Variants in PLD5 observed in about 807,000 individuals in gnomAD.
The protein encoded by PLD5 is phospholipase D family member 5, also known as inactive phospholipase D5.
In PLD5, 36 loss-of-function variants were observed where a neutral mutation model predicts 61.1. The ratio of observed to expected loss-of-function variants is 0.59; its 90% CI spans 0.45 to 0.78. The LOEUF (loss-of-function observed/expected upper bound fraction) is 0.78, where lower values mean the gene tolerates loss of function less well. Ranked by LOEUF, PLD5 falls within the 30% of genes least tolerant of loss-of-function variation. The pLI, the probability that PLD5 is intolerant of heterozygous loss-of-function variation, is 0.00. For missense variants in PLD5, 515 were observed against 644.4 expected (o/e 0.80, Z 2.17); for synonymous variants, 243 against 242.8 (o/e 1.00, Z -0.01).
chr1:242,099,092 A>T (rs1660481121), intron 9 of PLD5, among the ~76,000 whole-genome samples: 1 of 152,100 alleles, frequency 6.6e-6, no homozygotes, highest in African/African-American at 2.4e-5. Context: ...AAGCTGTCAG[A>T]CAGGGACATT....
At chr1:242,437,114 G>A (rs775115211) in intron 1 of PLD5, among the ~76,000 whole-genome samples, 1 of 152,158 alleles carries the variant, frequency 6.6e-6, no homozygotes, top group Non-Finnish European at 1.5e-5. Flanking sequence ...GGAAGGGGAG[G>A]TACAAGATGA....
At chr1:242,162,870 T>C (rs2148850122) in intron 5 of PLD5, among the ~76,000 whole-genome samples, 1 of 152,276 alleles carries the variant, frequency 6.6e-6, no homozygotes, top group Non-Finnish European at 1.5e-5. Context: ...GGAGGGTAGA[T>C]GGTAGCATGG....
At chr1:242,201,522 A>ATCAT (rs1457588788) in intron 5 of PLD5, among the ~76,000 whole-genome samples, 6 of 152,076 alleles carry the variant, frequency 3.9e-5, no homozygotes, top group Non-Finnish European at 8.8e-5. Context: ...TTATTTGTGT[A>ATCAT]TCATTTATTT....
intron 1 of PLD5, among the ~76,000 whole-genome samples, chr1:242,392,424 T>C (rs1232964716): frequency 6.6e-6 from 1 of 152,144 alleles, no homozygotes; most frequent in Non-Finnish European, 1.5e-5. Flanking sequence ...GTTAAAATTA[T>C]GGGGTGAAAA....
chr1:242,267,438 T>A (rs901285647), intron 3 of PLD5, among the ~76,000 whole-genome samples: 1 of 152,194 alleles, frequency 6.6e-6, no homozygotes, highest in Admixed American at 6.5e-5. Context: ...CCTTTTAGTT[T>A]AAACAAGCGT....
chr1:242,338,318 C>T lies in PLD5; in HGVS notation c.326+9788G>A, dbSNP rs1344522931. Among the ~76,000 whole-genome samples the T allele has an allele frequency of 2.6e-5, 4 of 152,144 alleles. No individual in the cohort carries two copies. The East Asian group carries it at 7.7e-4, about 29-fold the overall frequency. On this transcript the variant is annotated intron_variant, in intron 2 of 9. Transcript: ENST00000536534. ...GTTCAGGTTGGGCTCTTAGCTGTTACTATGAGAATGATTACACATAGGGCC... is the reference window on the plus strand; with the variant it reads ...GTTCAGGTTGGGCTCTTAGCTGTTATTATGAGAATGATTACACATAGGGCC...
intron 6 of PLD5, among the ~76,000 whole-genome samples, chr1:242,115,180 A>G (rs1338977877): frequency 2.7e-5 from 4 of 148,942 alleles, no homozygotes; most frequent in Non-Finnish European, 4.4e-5. Context: ...GCTGTCTGAA[A>G]AGAAAAAAGA....
intron 1 of PLD5, among the ~76,000 whole-genome samples, chr1:242,411,087 C>A (rs1018385187): frequency 1.3e-5 from 2 of 152,128 alleles, no homozygotes; most frequent in Non-Finnish European, 2.9e-5. Context: ...AAATAAATCA[C>A]GATTAACAGA....
At chr1:242,229,908 A>T (rs2451645) in intron 4 of PLD5, among the ~76,000 whole-genome samples, 7,968 of 73,998 alleles carry the variant, frequency 0.11, 684 homozygotes, top group African/African-American at 0.3. Context: ...AAATATTGAT[A>T]AAAAAAAAAA....
intron 4 of PLD5, among the ~76,000 whole-genome samples, chr1:242,241,270 A>G (rs1671984137): frequency 6.6e-6 from 1 of 152,178 alleles, no homozygotes; most frequent in Non-Finnish European, 1.5e-5. Flanking sequence ...TGTGTAGGGT[A>G]GAAAACCCTG....
chr1:242,310,472 A>G (rs1275499037), intron 2 of PLD5, among the ~76,000 whole-genome samples: 1 of 152,168 alleles, frequency 6.6e-6, no homozygotes, highest in Non-Finnish European at 1.5e-5. Flanking sequence ...TATAACACAA[A>G]TAATCATGAT....
intron 2 of PLD5, among the ~76,000 whole-genome samples, chr1:242,308,983 G>T (rs1166282633): frequency 6.6e-6 from 1 of 152,170 alleles, no homozygotes; most frequent in African/African-American, 2.4e-5. Context: ...GGGGGAGAAA[G>T]TGGAGCGGGG....
rs555932066 is a variant in PLD5 at position 242,276,477 on chromosome 1, G to C, written c.496-11029C>G. Among the ~76,000 whole-genome samples the C allele has an allele frequency of 4.8e-4, 65 of 135,774 alleles. 1 individual carries two copies. Among genetic ancestry groups the C allele is most frequent in the African/African-American group, 1.4e-3 (50 of 36,940 alleles). The allele number at this position is 135,774 out of a possible 152,430, so 89.1% of individuals were successfully genotyped here. ...TATATGAATATTTATAAATTGGAAA[G>C]AATCCAGGTATTGTTTATGAGATAA... On this transcript the variant is annotated intron_variant, in intron 3 of 9. Transcript: ENST00000536534.
intron 4 of PLD5, among the ~76,000 whole-genome samples, chr1:242,228,827 G>A (rs968892257): frequency 3.3e-5 from 5 of 151,972 alleles, no homozygotes; most frequent in African/African-American, 1.2e-4. Flanking sequence ...GAAAATGGCG[G>A]GGGAGTCCAC....
chr1:242,360,280 A>G (rs1660994330), intron 1 of PLD5, among the ~76,000 whole-genome samples: 1 of 152,190 alleles, frequency 6.6e-6, no homozygotes, highest in Admixed American at 6.5e-5. Flanking sequence ...TGCCTTTAGT[A>G]GTTCATTTGT....
chr1:242,530,459 T>G, the PLD5 span, among the ~76,000 whole-genome samples: 2 of 152,228 alleles, frequency 1.3e-5, no homozygotes, highest in South Asian at 4.1e-4. Context: ...AAGCTTCTGG[T>G]AGGCAACAAA....
chr1:242,457,048 C>T (rs997136922), intron 1 of PLD5, among the ~76,000 whole-genome samples: 6 of 152,170 alleles, frequency 3.9e-5, no homozygotes, highest in Non-Finnish European at 5.9e-5. Context: ...TCCACTTATC[C>T]AGGGGGTCTC....
chr1:242,146,547 A>G (rs944703781), intron 5 of PLD5, among the ~76,000 whole-genome samples: 3 of 152,170 alleles, frequency 2.0e-5, no homozygotes, highest in Admixed American at 6.5e-5. Context: ...GGTTTTTTTC[A>G]CAGCATGCCA....
intron 1 of PLD5, among the ~76,000 whole-genome samples, chr1:242,359,560 G>A (rs73128303): frequency 0.022 from 3,295 of 152,188 alleles, 161 homozygotes; most frequent in Admixed American, 0.11. Context: ...GGGCCAATTC[G>A]CTGTTGTCAC....
Sources: allele counts gnomAD v4.1 joint callset (sites outside exome capture counted in the v4.1 genomes callset), GRCh38; gene constraint gnomAD v4.1.1; transcripts MANE v1.5; gene names NCBI Gene and HGNC (gene_info 2026-07-23, HGNC 2026-07-21).